SNTB1: variants seen among roughly 807,000 people sequenced by gnomAD.
SNTB1 encodes the protein beta-1-syntrophin.
A neutral mutation model predicts 48.9 loss-of-function variants in SNTB1; 36 were observed. The ratio of observed to expected loss-of-function variants is 0.74; its 90% CI spans 0.56 to 0.97. The LOEUF (loss-of-function observed/expected upper bound fraction) is 0.97. SNTB1 is among the 50% of genes least tolerant of loss of function. SNTB1 has a pLI of 0.00. For synonymous variants in SNTB1, 299 were observed against 294.6 expected (o/e 1.01, Z -0.15); for missense variants, 786 against 703.4 (o/e 1.12, Z -1.33).
chr8:120,628,143 G>A (rs905700069), intron 3 of SNTB1, among the ~76,000 whole-genome samples: 1 of 152,126 alleles, frequency 6.6e-6, no homozygotes, highest in African/African-American at 2.4e-5. Context: ...TTGTGTTTTT[G>A]TGTATTTAAT....
rs1238683080 is a variant in SNTB1, at chr8:120,755,167, TGTGTGAGAGAGA to T, written c.571+56094_571+56105del. Among the ~76,000 whole-genome samples, 20 of 110,610 alleles carry T rather than the reference TGTGTGAGAGAGA, an allele frequency of 1.8e-4. No homozygotes were observed. In the East Asian group the frequency reaches 2.8e-3, roughly 15 times the overall value. 72.6% of individuals were successfully genotyped at this position (110,610 alleles called of 152,430 possible). A position where few individuals can be genotyped will look rare whatever the true frequency, so the allele number is the denominator to read the frequency against. On this transcript the variant is annotated intron_variant, in intron 1 of 6. Transcript: ENST00000517992. ...TTGTGTGTGTGTGTGTGTGTGTGTGTGTGTGAGAGAGAGAGAGAGAGCGAGAGAGAGAGAAGA... is the reference window on the plus strand; with the variant it reads ...TTGTGTGTGTGTGTGTGTGTGTGTGTGAGAGAGAGCGAGAGAGAGAGAAGA...
chr8:120,559,991 A>G (rs890702877), intron 4 of SNTB1, among the ~76,000 whole-genome samples: 3 of 152,126 alleles, frequency 2.0e-5, no homozygotes, highest in Non-Finnish European at 2.9e-5. Flanking sequence ...GCGAGCTCAA[A>G]TACTTTCATC....
intron 1 of SNTB1, among the ~76,000 whole-genome samples, chr8:120,751,973 G>C (rs1313952992): frequency 6.6e-6 from 1 of 152,136 alleles, no homozygotes; most frequent in East Asian, 1.9e-4. Flanking sequence ...TGTTGTAGAC[G>C]ATCTTGGCAT....
Position 120,541,908 on chromosome 8 carries a change from T to C in SNTB1, c.1426A>G (p.Lys476Glu), listed in dbSNP as rs1162803854. 3.1e-6 allele frequency: 5 copies of C among 1,613,988 alleles called. No homozygotes were observed. The highest frequency in any genetic ancestry group is 3.4e-6 in the Non-Finnish European group (4 of 1,179,878). ...TCATAAGGAGACTGTATGATGGTCT[T>C]GGGAAAGGCACCCTCCTGTGGTTCA... ...TTEPQEGAFP[K>E]TIIQSPYEKL... The change falls in exon 6 of 7, where the codon AAG becomes GAG. Residue 476 changes from lysine to glutamate, a missense_variant. By Grantham distance (56) the Lys-to-Glu change is moderately conservative. Transcript: ENST00000517992.
At chr8:120,663,033 T>C (rs1488897346) in intron 2 of SNTB1, among the ~76,000 whole-genome samples, 1 of 127,676 alleles carries the variant, frequency 7.8e-6, no homozygotes, top group Non-Finnish European at 1.7e-5. Context: ...GTGGGGGGGG[T>C]ATTTGGGTGG....
intron 2 of SNTB1, among the ~76,000 whole-genome samples, chr8:120,671,201 T>A (rs766596546): frequency 1.3e-5 from 2 of 152,110 alleles, no homozygotes; most frequent in Non-Finnish European, 1.5e-5. Context: ...CCTATATAAG[T>A]CTTATTTTTA....
At chr8:120,758,801 T>C (rs1399152843) in intron 1 of SNTB1, among the ~76,000 whole-genome samples, 1 of 152,192 alleles carries the variant, frequency 6.6e-6, no homozygotes, top group African/African-American at 2.4e-5. Context: ...CTAACTTTCC[T>C]AAGGAATCTG....
chr8:120,691,781 T>C (rs961706160), intron 2 of SNTB1, among the ~76,000 whole-genome samples: 17 of 152,214 alleles, frequency 1.1e-4, no homozygotes, highest in African/African-American at 4.1e-4. Flanking sequence ...GGGTATACCA[T>C]AGGCTGCCAC....
intron 3 of SNTB1, among the ~76,000 whole-genome samples, chr8:120,580,706 G>A (rs921988387): frequency 6.6e-6 from 1 of 152,192 alleles, no homozygotes; most frequent in Non-Finnish European, 1.5e-5. Context: ...CAAGCTATCG[G>A]TGTAATAATA....
intron 1 of SNTB1, among the ~76,000 whole-genome samples, chr8:120,780,917 G>A (rs1255315718): frequency 6.6e-6 from 1 of 152,092 alleles, no homozygotes; most frequent in African/African-American, 2.4e-5. Context: ...AATAAATGTG[G>A]TCAGACAGAA....
intron 4 of SNTB1, among the ~76,000 whole-genome samples, chr8:120,557,729 T>C (rs1815588568): frequency 6.6e-6 from 1 of 152,216 alleles, no homozygotes; most frequent in Non-Finnish European, 1.5e-5. Context: ...AGGAGCCTGG[T>C]CTCCTCTCTC....
chr8:120,567,378 A>G (rs1815770059), intron 4 of SNTB1, among the ~76,000 whole-genome samples: 1 of 151,530 alleles, frequency 6.6e-6, no homozygotes, highest in Non-Finnish European at 1.5e-5. Context: ...TCTATGCCAA[A>G]TAAGGGCCAG....
intron 1 of SNTB1, among the ~76,000 whole-genome samples, chr8:120,761,710 G>A (rs1819423221): frequency 6.6e-6 from 1 of 152,180 alleles, no homozygotes; most frequent in Non-Finnish European, 1.5e-5. Context: ...GTGATCATCA[G>A]GTAGATGCCA....
chr8:120,737,364 C>G (rs1818965114), intron 1 of SNTB1, among the ~76,000 whole-genome samples: 1 of 152,078 alleles, frequency 6.6e-6, no homozygotes, highest in Admixed American at 6.6e-5. Flanking sequence ...AAATGAAAGA[C>G]AGCTAGATAT....
At chr8:120,787,013 GC>G (rs1488447339) in intron 1 of SNTB1, among the ~76,000 whole-genome samples, 2 of 152,172 alleles carry the variant, frequency 1.3e-5, no homozygotes, top group Non-Finnish European at 2.9e-5. Context: ...TGCCATTCCA[GC>G]CCAACAGGAG....
intron 3 of SNTB1, among the ~76,000 whole-genome samples, chr8:120,596,027 C>G (rs1046155300): frequency 6.6e-6 from 1 of 152,240 alleles, no homozygotes. Context: ...GCATGTGTTT[C>G]TGTGTGTGTT....
intron 3 of SNTB1, among the ~76,000 whole-genome samples, chr8:120,629,022 C>T (rs1816935328): frequency 6.6e-6 from 1 of 152,092 alleles, no homozygotes; most frequent in African/African-American, 2.4e-5. Context: ...AAGTTCCAGT[C>T]GAGGTGTCAG....
rs187469673 is a variant in SNTB1 at position 120,714,015 on chromosome 8, G to A, written c.572-20107C>T. On this transcript the variant is annotated intron_variant, in intron 1 of 6. Transcript: ENST00000517992. ...ATCTAAGACTGTCATAGGCTAGAGT[G>A]TATTTGGAGTAAGGGGTTCATTAAT... Among the ~76,000 whole-genome samples the A allele has an allele frequency of 7.3e-3, 1,116 of 152,280 alleles. 14 individuals are homozygous for A. Among genetic ancestry groups the A allele is most frequent in the African/African-American group, 0.026 (1,075 of 41,564 alleles).
At chr8:120,629,973 G>A (rs1816953798) in intron 3 of SNTB1, among the ~76,000 whole-genome samples, 1 of 152,220 alleles carries the variant, frequency 6.6e-6, no homozygotes, top group Non-Finnish European at 1.5e-5. Flanking sequence ...ACAAATTATA[G>A]GTGAGAAAGA....
Sources: gnomAD v4.1 joint callset for allele counts (sites outside exome capture counted in the v4.1 genomes callset) on GRCh38, gnomAD v4.1.1 for gene constraint, MANE v1.5 for transcripts, NCBI Gene and HGNC (gene_info 2026-07-23, HGNC 2026-07-21) for gene names.